Variants in GZMH observed in about 807,000 individuals in gnomAD.
GZMH encodes the protein cathepsin G-like 2, protein h-CCPX.
GZMH carries 24 observed loss-of-function variants against 20.7 expected under a neutral mutation model. The observed-to-expected ratio is 1.16, with a 90% confidence interval of 0.84 to 1.63. GZMH has a LOEUF of 1.63. Ranked by LOEUF, GZMH falls within the 40% of genes most tolerant of loss-of-function variation. The pLI is 0.00. For missense variants in GZMH, 344 were observed against 302.7 expected, an observed-to-expected ratio of 1.14 and a Z score of -1.01; for synonymous variants, 119 against 116.1, an observed-to-expected ratio of 1.02 and a Z score of -0.16.
Position 24,608,247 on chromosome 14 carries a change from G to A in GZMH, c.203+18C>T, listed in dbSNP as rs776762626. 10 of 1,613,712 alleles carry A rather than the reference G, an allele frequency of 6.2e-6. No individual in the cohort carries two copies. Among genetic ancestry groups the A allele is most frequent in the Non-Finnish European group, 8.5e-6 (10 of 1,179,764 alleles). On this transcript the variant is annotated intron_variant, in intron 2 of 4. Coordinates refer to ENST00000216338, the MANE Select transcript of GZMH (RefSeq NM_033423.5). ...CCTGTAGGGGGAACTCAGGAGGTGAGCTGGTGCTGCTCCTTACCTTCCCTG... is the reference window on the plus strand; with the variant it reads ...CCTGTAGGGGGAACTCAGGAGGTGAACTGGTGCTGCTCCTTACCTTCCCTG...
chr14:24,607,221 G>T lies in GZMH; in HGVS notation c.525C>A (p.Leu175=), dbSNP rs1198443709. The T allele has an allele frequency of 1.2e-6, 2 of 1,614,102 alleles. No homozygotes were observed. Among genetic ancestry groups the T allele is most frequent in the Non-Finnish European group, 1.7e-6 (2 of 1,179,968 alleles). ...TVQKDCQCER[L]FHGNYSRATE... is the part of the protein sequence containing the mutation. ...TGGCTCTGCTGTAATTGCCATGGAA[G>T]AGACGTTCACACTGGCAGTCCTTCT... Residue 175 remains leucine (L), a synonymous_variant, in exon 4 of 5, where the codon CTC becomes CTA. Coordinates refer to ENST00000216338, the MANE Select transcript of GZMH (RefSeq NM_033423.5).
intron 1 of GZMH, among the ~76,000 whole-genome samples, chr14:24,609,019 G>C (rs1295929087): frequency 6.6e-6 from 1 of 152,248 alleles, no homozygotes; most frequent in Non-Finnish European, 1.5e-5. Flanking sequence ...GGCCTGCAAA[G>C]GCAGAAGGAA....
intron 4 of GZMH, 46 bp from the exon 5 acceptor site, chr14:24,606,792 G>A (rs2066872459): frequency 1.3e-6 from 2 of 1,574,530 alleles, no homozygotes; most frequent in African/African-American, 1.4e-5. Flanking sequence ...CCCTGGGATG[G>A]GTGGTCTCTG....
chr14:24,608,867 G>A (rs986457275), intron 1 of GZMH, among the ~76,000 whole-genome samples: 35 of 152,172 alleles, frequency 2.3e-4, no homozygotes, highest in African/African-American at 8.0e-4. Context: ...CACATTCTAG[G>A]TTCTCAGTAA....
chr14:24,608,231 G>A (rs2066886418), intron 2 of GZMH, 34 bp downstream of exon 2: 3 of 1,612,710 alleles, frequency 1.9e-6, no homozygotes, highest in African/African-American at 2.7e-5. Context: ...CCCTGTAGGG[G>A]GAACTCAGGA....
Position 24,607,154 on chromosome 14 carries a change from A to C in GZMH, c.592T>G (p.Phe198Val). Residue 198 changes from phenylalanine to valine, a missense_variant, in exon 4 of 5, where the codon TTC becomes GTC. Coordinates refer to ENST00000216338, the MANE Select transcript of GZMH (RefSeq NM_033423.5). ...GTAGAGGCTGGAAACCCAACCTTGA[A>C]ACCGGTCTGTGTCTTCTTTGGATCC... The part of the protein sequence containing the change: ...VGDPKKTQTG[F>V]KGDSGGPLVC... 1.2e-6 allele frequency: 2 copies of C among 1,611,574 alleles called. No homozygotes were observed. Among genetic ancestry groups the C allele is most frequent in the Non-Finnish European group, 1.7e-6 (2 of 1,178,230 alleles).
intron 4 of GZMH, 80 bp from the exon 5 acceptor site, chr14:24,606,826 T>A: frequency 2.3e-6 from 3 of 1,332,468 alleles, no homozygotes; most frequent in Non-Finnish European, 3.2e-6. Flanking sequence ...GTGACATCAG[T>A]GCCAGGCAGG....
chr14:24,609,141 C>T (rs977672439), intron 1 of GZMH, among the ~76,000 whole-genome samples: 3 of 152,184 alleles, frequency 2.0e-5, no homozygotes, highest in Non-Finnish European at 4.4e-5. Context: ...CCATGGGCTT[C>T]CCTCCTGGCA....
At position 24,607,632 on chromosome 14, in the gene GZMH, TG is replaced by T; in HGVS notation, c.318del (p.Asn107ThrfsTer30). 1.2e-6 allele frequency: 2 copies of T among 1,612,732 alleles called. No individual in the cohort carries two copies. The highest frequency in any genetic ancestry group is 1.7e-6 in the Non-Finnish European group (2 of 1,179,848). On this transcript the variant is annotated frameshift_variant, in exon 3 of 5. Transcript: ENST00000216338. LOFTEE classifies it high-confidence loss of function. ...PHPAYNPKNF[S>X]NDIMLLQLER... ...CTCACCTGCAGTAGCATGATGTCGT[TG>T]GAGAAGTTCTTAGGATTATAGGCTG... is the stretch of plus-strand genomic sequence containing the variant.
intron 1 of GZMH, among the ~76,000 whole-genome samples, 155 bp downstream of exon 1, chr14:24,609,404 G>C (rs66505306): frequency 0.088 from 13,355 of 152,176 alleles, 625 homozygotes; most frequent in Middle Eastern, 0.13. Flanking sequence ...TTCATTTTTC[G>C]ATCTTTGCTG....
rs1316926690 is a variant in GZMH, at chr14:24,607,392, G to A, written c.354C>T (p.Ala118=). 6.3e-7 allele frequency: 1 copy of A among 1,597,316 alleles called. No individual in the cohort carries two copies. The highest frequency in any genetic ancestry group is 1.1e-5 in the South Asian group (1 of 89,684). The change falls in exon 4 of 5, where the codon GCC becomes GCT. Residue 118 remains alanine, a synonymous_variant. Coordinates refer to ENST00000216338, the MANE Select transcript of GZMH (RefSeq NM_033423.5). ...GAGGCCGCACAGCTGTGGTCCACTT[G>A]GCCTTTCTCTCCAGCTGGTGGGGAA... is the stretch of plus-strand genomic sequence containing the variant. ...DIMLLQLERK[A]KWTTAVRPLR... is the part of the protein sequence containing the mutation.
In GZMH at chr14:24,608,392, C is replaced by T; in HGVS notation, c.76G>A (p.Glu26Lys). 1 of 1,614,094 alleles carries T rather than the reference C, an allele frequency of 6.2e-7. No individual in the cohort carries two copies. The highest frequency in any genetic ancestry group is 8.5e-7 in the Non-Finnish European group (1 of 1,179,972). The part of the protein sequence containing the change: ...AGTEEIIGGH[E>K]AKPHSRPYMA... ...TAGGGGCGGGAGTGGGGCTTGGCCT[C>T]ATGGCCCCCGATGATCTCCTCTGAA... Residue 26 changes from glutamate (E) to lysine (K), a missense_variant, in exon 2 of 5, where the codon GAG (glutamate) becomes AAG (lysine). Glu to Lys is a moderately conservative substitution (Grantham distance 56). Transcript: ENST00000216338.
chr14:24,609,247 T>A (rs919194479), intron 1 of GZMH, among the ~76,000 whole-genome samples: 1 of 152,202 alleles, frequency 6.6e-6, no homozygotes, highest in African/African-American at 2.4e-5. Context: ...TCCTCTTTCC[T>A]GGGTTGGAGT....
Position 24,607,136 on chromosome 14 carries a change from C to T in GZMH, c.597+13G>A, listed in dbSNP as rs1487238031. ...TCCCTGTGGTCTTTCTGGGTAGAGGCTGGAAACCCAACCTTGAAACCGGTC... is the reference window on the plus strand; with the variant it reads ...TCCCTGTGGTCTTTCTGGGTAGAGGTTGGAAACCCAACCTTGAAACCGGTC... On this transcript the variant is annotated intron_variant, in intron 4 of 4. Transcript: ENST00000216338. 4 of 1,606,298 alleles carry T rather than the reference C, an allele frequency of 2.5e-6. No homozygotes were observed. In the East Asian group the frequency reaches 6.7e-5, roughly 27 times the overall value.
chr14:24,608,600 C>G (rs115161858), intron 1 of GZMH, among the ~76,000 whole-genome samples, 188 bp from the exon 2 acceptor site: 3 of 152,208 alleles, frequency 2.0e-5, no homozygotes, highest in Admixed American at 2.0e-4. Context: ...AGTCTCAGAA[C>G]CTTCTCTCAG....
intron 1 of GZMH, 76 bp downstream of exon 1, chr14:24,609,483 T>G: frequency 1.1e-6 from 1 of 933,868 alleles, no homozygotes; most frequent in Non-Finnish European, 1.6e-6. Flanking sequence ...TTGAGGAAAA[T>G]TCCTGACCAG....
rs548812404 is a variant in GZMH, at chr14:24,609,667, A to G, written c.-54T>C. On this transcript the variant is annotated 5_prime_UTR_variant, in exon 1 of 5. Transcript: ENST00000216338. The stretch of plus-strand genomic sequence containing the variant: ...CTGTTGGTGTTGACTCCTTCCAGAA[A>G]CAAATGCTGGAGGGAGATGAAGGAG... The G allele has an allele frequency of 3.0e-6, 4 of 1,321,262 alleles. No individual in the cohort carries two copies. Among genetic ancestry groups the G allele is most frequent in the Non-Finnish European group, 4.3e-6 (4 of 924,324 alleles). The allele number at this position is 1,321,262 out of a possible 1,614,324, so 81.8% of individuals were successfully genotyped here.
intron 2 of GZMH, 101 bp downstream of exon 2, chr14:24,608,164 G>T: frequency 1.5e-6 from 2 of 1,291,472 alleles, no homozygotes; most frequent in Non-Finnish European, 2.2e-6. Flanking sequence ...ATGGGCTTGT[G>T]TTACCAGGAA....
chr14:24,609,552 C>A lies in GZMH; in HGVS notation c.55+7G>T, dbSNP rs1199152660. 1.9e-6 allele frequency: 3 copies of A among 1,597,276 alleles called. No homozygotes were observed. In the Admixed American group the frequency reaches 5.1e-5, roughly 27 times the overall value. On this transcript the variant is annotated splice_region_variant and intron_variant, in intron 1 of 4. Transcript: ENST00000216338. Reference sequence around the variant, plus strand: ...TTCAGGCCTCTGGAATAGGGATAGTCACTTACCTGTCCCAGCCCCAGGGGT... The same window carrying A: ...TTCAGGCCTCTGGAATAGGGATAGTAACTTACCTGTCCCAGCCCCAGGGGT...
Sources: allele counts gnomAD v4.1 joint callset (sites outside exome capture counted in the v4.1 genomes callset), GRCh38; gene constraint gnomAD v4.1.1; transcripts MANE v1.5; gene names NCBI Gene and HGNC (gene_info 2026-07-23, HGNC 2026-07-21).